Variants in LONP2 observed in about 807,000 individuals in gnomAD.
LONP2 encodes lon protease homolog 2, peroxisomal.
Under a neutral mutation model 85.6 loss-of-function variants are expected in LONP2, and 60 were observed. The ratio of observed to expected loss-of-function variants is 0.70; its 90% CI spans 0.57 to 0.87. The LOEUF is 0.87. LONP2 is among the 40% of genes least tolerant of loss of function. The probability of loss-of-function intolerance (pLI) is 0.00; values close to 1 mark genes in which losing one functional copy is unlikely to be tolerated. For synonymous variants in LONP2, 395 were observed against 389.7 expected, an observed-to-expected ratio of 1.01 and a Z score of -0.16; for missense variants, 860 against 1,063.5, an observed-to-expected ratio of 0.81 and a Z score of 2.66.
Position 48,356,184 on chromosome 16 carries a change from C to G in LONP2, c.*4382C>G, listed in dbSNP as rs1441969059. ...CCGTAAAGTACTGTGATAGTGATGTCTACCACTGTGAGCTTCCAGTACTAG... is the reference window on the plus strand; with the variant it reads ...CCGTAAAGTACTGTGATAGTGATGTGTACCACTGTGAGCTTCCAGTACTAG... On this transcript the variant is annotated 3_prime_UTR_variant, in exon 15 of 15. Coordinates refer to ENST00000285737, the MANE Select transcript of LONP2 (RefSeq NM_031490.5). The G allele has an allele frequency of 6.6e-6, 1 of 152,210 alleles. No homozygotes were observed. Among genetic ancestry groups the G allele is most frequent in the Non-Finnish European group, 1.5e-5 (1 of 68,060 alleles). The allele number at this position is 152,210 out of a possible 1,614,324, so 9.4% of individuals were successfully genotyped here. A position where few individuals can be genotyped will look rare whatever the true frequency, so the allele number is the denominator to read the frequency against.
At chr16:48,275,336 A>G (rs1386860140) in intron 7 of LONP2, among the ~76,000 whole-genome samples, 1 of 152,170 alleles carries the variant, frequency 6.6e-6, no homozygotes, top group East Asian at 1.9e-4. Flanking sequence ...GCTGATGGAA[A>G]GATGCTTTGA....
chr16:48,309,978 G>A (rs746202358), intron 11 of LONP2, among the ~76,000 whole-genome samples: 1 of 150,728 alleles, frequency 6.6e-6, no homozygotes, highest in South Asian at 2.1e-4. Flanking sequence ...TATTAATCTG[G>A]TACTCCAGTT....
At chr16:48,250,299 G>A (rs1596901887) in intron 1 of LONP2, among the ~76,000 whole-genome samples, 1 of 148,318 alleles carries the variant, frequency 6.7e-6, no homozygotes, top group African/African-American at 2.5e-5. Context: ...TGGCCAACAT[G>A]GTGAAACCTC....
At chr16:48,328,838 G>C (rs1047499829) in intron 11 of LONP2, among the ~76,000 whole-genome samples, 2 of 151,390 alleles carry the variant, frequency 1.3e-5, no homozygotes, top group East Asian at 1.9e-4. Context: ...AAAAAAAAAG[G>C]GGGGGAGGGG....
At position 48,362,692 on chromosome 16, in the gene LONP2, A is replaced by G. The variant is rs1960643046; in HGVS notation, c.*829A>G. 5.3e-6 allele frequency: 2 copies of G among 375,084 alleles called. No individual in the cohort carries two copies. 23.2% of individuals were successfully genotyped at this position (375,084 alleles called of 1,614,324 possible). A position where few individuals can be genotyped will look rare whatever the true frequency, so the allele number is the denominator to read the frequency against. On this transcript the variant is annotated 3_prime_UTR_variant, in exon 5 of 5. Transcript: ENST00000565867. The surrounding 1 kb of genome is among the most constrained non-coding windows in gnomAD (Gnocchi z 4.2). ...GGAACTCCCTTAATCGTCTTTGGATAGACTACATAGAATAATAAATGCTAA... is the reference window on the plus strand; with the variant it reads ...GGAACTCCCTTAATCGTCTTTGGATGGACTACATAGAATAATAAATGCTAA...
At chr16:48,300,714 T>A (rs1313947344) in intron 10 of LONP2, among the ~76,000 whole-genome samples, 2 of 152,228 alleles carry the variant, frequency 1.3e-5, no homozygotes, top group Admixed American at 1.3e-4. Context: ...GGGTTCCTTT[T>A]CTTAATTTGT....
At chr16:48,325,566 A>C (rs754371753) in intron 11 of LONP2, among the ~76,000 whole-genome samples, 3 of 152,176 alleles carry the variant, frequency 2.0e-5, no homozygotes, top group Non-Finnish European at 4.4e-5. Flanking sequence ...TCCAGGTTCA[A>C]CCATGTTGCC....
chr16:48,261,736 G>A (rs754785027), intron 5 of LONP2, 149 bp downstream of exon 5: 19 of 533,894 alleles, frequency 3.6e-5, no homozygotes, highest in Non-Finnish European at 5.6e-5. Flanking sequence ...AACTCTTGCA[G>A]CTGCCTTTTT....
chr16:48,289,661 C>T (rs1362790582), intron 8 of LONP2, among the ~76,000 whole-genome samples: 1 of 152,126 alleles, frequency 6.6e-6, no homozygotes, highest in Non-Finnish European at 1.5e-5. Flanking sequence ...AGGCAGCCTT[C>T]GACCTTATGG....
At chr16:48,263,666 G>A (rs191052294) in intron 6 of LONP2, among the ~76,000 whole-genome samples, 2 of 152,290 alleles carry the variant, frequency 1.3e-5, no homozygotes, top group African/African-American at 4.8e-5. Flanking sequence ...CAGTGAATAC[G>A]GAAGTGCAGA....
intron 8 of LONP2, among the ~76,000 whole-genome samples, chr16:48,279,908 A>AC (rs1972291033): frequency 6.6e-6 from 1 of 151,906 alleles, no homozygotes; most frequent in Admixed American, 6.6e-5. Flanking sequence ...ATGGCCTGGG[A>AC]CATGTGTCTT....
At chr16:48,296,549 G>A (rs1972675241) in intron 9 of LONP2, among the ~76,000 whole-genome samples, 1 of 152,014 alleles carries the variant, frequency 6.6e-6, no homozygotes, top group Non-Finnish European at 1.5e-5. Flanking sequence ...CCAACGTGGT[G>A]AAACACCATC....
intron 11 of LONP2, among the ~76,000 whole-genome samples, chr16:48,306,492 A>G (rs1972914484): frequency 1.3e-5 from 2 of 152,232 alleles, no homozygotes; most frequent in Non-Finnish European, 2.9e-5. Flanking sequence ...AAAAGATAAT[A>G]TAGTTAAGCA....
At position 48,252,046 on chromosome 16, in the gene LONP2, A is replaced by G. The variant is rs1761210871; in HGVS notation, c.234-85A>G. On this transcript the variant is annotated intron_variant, in intron 1 of 14. Coordinates refer to ENST00000285737, the MANE Select transcript of LONP2 (RefSeq NM_031490.5). The stretch of plus-strand genomic sequence containing the variant: ...CAGATGTCTTTTGCTTAATGAATGT[A>G]TCAGAAAAGCCAACACTTTCTGAAG... The G allele has an allele frequency of 9.8e-6, 10 of 1,023,602 alleles. No individual in the cohort carries two copies. In the Admixed American group the frequency reaches 9.8e-5, roughly 10 times the overall value. 63.4% of individuals were successfully genotyped at this position (1,023,602 alleles called of 1,614,324 possible). A position where few individuals can be genotyped will look rare whatever the true frequency, so the allele number is the denominator to read the frequency against.
intron 12 of LONP2, 90 bp from the exon 13 acceptor site, chr16:48,347,417 T>G: frequency 7.9e-7 from 1 of 1,271,286 alleles, no homozygotes; most frequent in South Asian, 1.2e-5. Context: ...TGAAGTCTTC[T>G]GTGGAGTCAG....
chr16:48,245,966 A>AT (rs1422338551), intron 1 of LONP2, among the ~76,000 whole-genome samples: 1 of 152,002 alleles, frequency 6.6e-6, no homozygotes, highest in Non-Finnish European at 1.5e-5. Flanking sequence ...GTTATCCCTT[A>AT]TTTTTAAATT....
At chr16:48,244,691 G>A in intron 1 of LONP2, 70 bp downstream of exon 1, 1 of 1,120,302 alleles carries the variant, frequency 8.9e-7, no homozygotes. Flanking sequence ...CCCAGGCCAC[G>A]GCCTGCCTTG....
At position 48,354,194 on chromosome 16, in the gene LONP2, CGCT is replaced by C. The variant is rs1960251902; in HGVS notation, c.*2393_*2395del. ...TGGATCTAAGCATGTCCACTCTACA[CGCT>C]TTTTTTTTTTTTTTTTTTTTTTTTT... is the stretch of plus-strand genomic sequence containing the variant. On this transcript the variant is annotated 3_prime_UTR_variant, in exon 15 of 15. Coordinates refer to ENST00000285737, the MANE Select transcript of LONP2 (RefSeq NM_031490.5). The C allele has an allele frequency of 8.8e-6, 1 of 113,184 alleles. No homozygotes were observed. The highest frequency in any genetic ancestry group is 1.8e-5 in the Non-Finnish European group (1 of 56,192). The allele number at this position is 113,184 out of a possible 1,614,324, so 7.0% of individuals were successfully genotyped here. A position where few individuals can be genotyped will look rare whatever the true frequency, so the allele number is the denominator to read the frequency against.
chr16:48,260,111 AT>A (rs1298599338), intron 4 of LONP2, among the ~76,000 whole-genome samples: 2 of 152,168 alleles, frequency 1.3e-5, no homozygotes, highest in Admixed American at 6.5e-5. Context: ...GCTTATAAAA[AT>A]CTCACTTTTA....
Sources: allele counts gnomAD v4.1 joint callset (sites outside exome capture counted in the v4.1 genomes callset), GRCh38; gene constraint gnomAD v4.1.1; non-coding constraint Gnocchi (gnomAD v3.1); transcripts MANE v1.5; gene names NCBI Gene and HGNC (gene_info 2026-07-23, HGNC 2026-07-21).